DCAF8: variants seen among roughly 807,000 people sequenced by gnomAD.
The protein encoded by DCAF8 is DDB1 and CUL4 associated factor 8.
In DCAF8, 20 loss-of-function variants were observed where a neutral mutation model predicts 68.0. The observed-to-expected ratio is 0.29, with a 90% confidence interval of 0.21 to 0.43. DCAF8 has a LOEUF of 0.43. Among genes scored for constraint, DCAF8 ranks in the 20% least tolerant of loss-of-function variants. The pLI, the probability that DCAF8 is intolerant of heterozygous loss-of-function variation, is 1.00. For missense variants in DCAF8, 460 were observed against 771.0 expected (o/e 0.60, Z 4.78); for synonymous variants, 230 against 276.9 (o/e 0.83, Z 1.68).
In DCAF8 at chr1:160,222,717, G is replaced by A. The variant is rs776744486; in HGVS notation, c.1374C>T (p.His458=). 6.2e-6 allele frequency: 10 copies of A among 1,614,064 alleles called. No individual in the cohort carries two copies. In the African/African-American group the frequency reaches 1.1e-4, roughly 17 times the overall value. ...AGGATGATTTCTCCCAGAGGAAGATGTGCCCACAGTCACTACCGCTCACCA... is the reference window on the plus strand; with the variant it reads ...AGGATGATTTCTCCCAGAGGAAGATATGCCCACAGTCACTACCGCTCACCA... ...EFVVSGSDCG[H]IFLWEKSSCQ... The change falls in exon 11 of 14, where the codon CAC becomes CAT. Residue 458 remains histidine (H), a synonymous_variant. Coordinates refer to ENST00000368074, the MANE Select transcript of DCAF8 (RefSeq NM_015726.4).
chr1:160,237,410 C>A (rs778696420), intron 5 of DCAF8, among the ~76,000 whole-genome samples, 181 bp from the exon 6 acceptor site: 1 of 152,124 alleles, frequency 6.6e-6, no homozygotes. Context: ...TTGTTCTATG[C>A]GAATTATTTA....
At chr1:160,230,491 A>C (rs1208952203) in intron 7 of DCAF8, among the ~76,000 whole-genome samples, 2 of 152,186 alleles carry the variant, frequency 1.3e-5, no homozygotes, top group African/African-American at 4.8e-5. Flanking sequence ...CAGTGTTAAC[A>C]AAAGGTGTTC....
chr1:160,242,401 G>A (rs1032514605), intron 3 of DCAF8, among the ~76,000 whole-genome samples: 5 of 152,092 alleles, frequency 3.3e-5, no homozygotes, highest in African/African-American at 7.2e-5. Context: ...ACAGTTTTTT[G>A]AAATGCAGCT....
At chr1:160,225,548 G>GC in intron 8 of DCAF8, 43 bp downstream of exon 8, 1 of 1,495,500 alleles carries the variant, frequency 6.7e-7, no homozygotes, top group Non-Finnish European at 9.3e-7. Context: ...CCTTGGGGTT[G>GC]AGTCAGGGAA....
Position 160,216,577 on chromosome 1 carries a change from C to T in DCAF8, c.*1015G>A, listed in dbSNP as rs886299981. The T allele has an allele frequency of 1.4e-4, 22 of 152,674 alleles. No homozygotes were observed. Among genetic ancestry groups the T allele is most frequent in the African/African-American group, 5.3e-4 (22 of 41,526 alleles). 9.5% of individuals were successfully genotyped at this position (152,674 alleles called of 1,614,324 possible). A position where few individuals can be genotyped will look rare whatever the true frequency, so the allele number is the denominator to read the frequency against. On this transcript the variant is annotated 3_prime_UTR_variant, in exon 14 of 14. Coordinates refer to ENST00000368074, the MANE Select transcript of DCAF8 (RefSeq NM_015726.4). ...CCTTCCATTCTCAAGCCTCCTAAAA[C>T]CTAAAGGGTAAGTCCCAATCTCTAG...
intron 2 of DCAF8, among the ~76,000 whole-genome samples, chr1:160,256,012 CTTTT>C (rs11284812): frequency 0.015 from 1,112 of 75,446 alleles, 27 homozygotes; most frequent in African/African-American, 0.053. Flanking sequence ...ACTAAGCAAA[CTTTT>C]TTTTTTTTTT....
chr1:160,224,339 G>T, intron 10 of DCAF8, 103 bp downstream of exon 10: 1 of 806,990 alleles, frequency 1.2e-6, no homozygotes, highest in Non-Finnish European at 2.0e-6. Flanking sequence ...AGTGCCCATG[G>T]CAACACAGGC....
chr1:160,217,525 A>G lies in DCAF8; in HGVS notation c.*67T>C. 1 of 1,180,972 alleles carries G rather than the reference A, an allele frequency of 8.5e-7. No homozygotes were observed. Among genetic ancestry groups the G allele is most frequent in the South Asian group, 1.3e-5 (1 of 75,626 alleles). 73.2% of individuals were successfully genotyped at this position (1,180,972 alleles called of 1,614,324 possible). On this transcript the variant is annotated 3_prime_UTR_variant, in exon 14 of 14. Coordinates refer to ENST00000368074, the MANE Select transcript of DCAF8 (RefSeq NM_015726.4). ...GTTTCTGCTGAATGTAGGGCCTGGG[A>G]CAGGAAAGGGTTGCCCAGGCAGGAT...
Position 160,244,038 on chromosome 1 carries a change from G to A in DCAF8, c.-26-4C>T, listed in dbSNP as rs373997433. The A allele has an allele frequency of 5.6e-6, 9 of 1,613,788 alleles. No homozygotes were observed. Among genetic ancestry groups the A allele is most frequent in the Non-Finnish European group, 7.6e-6 (9 of 1,179,754 alleles). ...AATGATGTTTGCTGTAGCCAGCCTG[G>A]GTTTGGGAGAGGAAGAAACCAAAAC... On this transcript the variant is annotated splice_polypyrimidine_tract_variant and splice_region_variant and intron_variant, in intron 2 of 13. Transcript: ENST00000368074.
intron 6 of DCAF8, among the ~76,000 whole-genome samples, chr1:160,235,774 C>A (rs955752414): frequency 6.7e-6 from 1 of 148,632 alleles, no homozygotes; most frequent in Non-Finnish European, 1.5e-5. Context: ...AGTTTTGCTC[C>A]GTCACTCAGG....
chr1:160,238,415 T>G (rs1187845934), intron 5 of DCAF8, among the ~76,000 whole-genome samples, 192 bp downstream of exon 5: 1 of 152,234 alleles, frequency 6.6e-6, no homozygotes, highest in African/African-American at 2.4e-5. Context: ...TAGGGACTTT[T>G]CAGATACTTG....
At chr1:160,223,941 A>G (rs1049381908) in intron 10 of DCAF8, among the ~76,000 whole-genome samples, 1 of 152,172 alleles carries the variant, frequency 6.6e-6, no homozygotes, top group African/African-American at 2.4e-5. Context: ...AACAAAACAC[A>G]TCAGATGATT....
chr1:160,238,398 C>T (rs1245950347), intron 5 of DCAF8, among the ~76,000 whole-genome samples: 1 of 152,188 alleles, frequency 6.6e-6, no homozygotes, highest in African/African-American at 2.4e-5. Context: ...ACTATGAATG[C>T]ATGATCTAGG....
chr1:160,223,372 C>G (rs972794757), intron 10 of DCAF8, among the ~76,000 whole-genome samples: 1 of 152,184 alleles, frequency 6.6e-6, no homozygotes, highest in African/African-American at 2.4e-5. Context: ...GATCCAAGAA[C>G]AGATTTTTCC....
At chr1:160,232,156 G>A (rs529551701) in intron 6 of DCAF8, among the ~76,000 whole-genome samples, 15 of 152,094 alleles carry the variant, frequency 9.9e-5, no homozygotes, top group African/African-American at 3.4e-4. Flanking sequence ...GCTGCAGTGA[G>A]CAGAGATCAT....
chr1:160,217,918 A>T, intron 13 of DCAF8: 1 of 546,736 alleles, frequency 1.8e-6, no homozygotes, highest in Non-Finnish European at 3.2e-6. Context: ...CAGACAATAC[A>T]CAGAATGGGT....
chr1:160,248,282 G>A (rs897883551), intron 2 of DCAF8, among the ~76,000 whole-genome samples: 1 of 151,322 alleles, frequency 6.6e-6, no homozygotes, highest in Admixed American at 6.6e-5. Flanking sequence ...ACTCCAGCCT[G>A]AGTGACAAAG....
At chr1:160,233,482 C>T (rs1158924385) in intron 6 of DCAF8, among the ~76,000 whole-genome samples, 1 of 152,142 alleles carries the variant, frequency 6.6e-6, no homozygotes, top group Non-Finnish European at 1.5e-5. Flanking sequence ...GTCCCCCACA[C>T]ATCTCAAAAA....
At chr1:160,221,935 T>C (rs1231846420) in intron 11 of DCAF8, among the ~76,000 whole-genome samples, 1 of 152,140 alleles carries the variant, frequency 6.6e-6, no homozygotes, top group Non-Finnish European at 1.5e-5. Context: ...CACAGAGGGC[T>C]GCAGAACTCA....
Sources: allele counts gnomAD v4.1 joint callset (sites outside exome capture counted in the v4.1 genomes callset), GRCh38; gene constraint gnomAD v4.1.1; transcripts MANE v1.5; gene names NCBI Gene and HGNC (gene_info 2026-07-23, HGNC 2026-07-21).